The following SGCD variants were observed in gnomAD, a reference collection of about 807,000 sequenced individuals.
SGCD encodes the protein delta-sarcoglycan.
A neutral mutation model predicts 36.6 loss-of-function variants in SGCD; 18 were observed. That is an observed-to-expected ratio of 0.49 (90% CI 0.34 to 0.73). The LOEUF (loss-of-function observed/expected upper bound fraction) is 0.73, where lower values mean the gene tolerates loss of function less well. SGCD is among the 30% of genes least tolerant of loss of function. SGCD has a pLI of 0.01. For synonymous variants in SGCD, 133 were observed against 130.6 expected, an observed-to-expected ratio of 1.02 and a Z score of -0.12; for missense variants, 387 against 346.7, an observed-to-expected ratio of 1.12 and a Z score of -0.92.
chr5:156,091,882 G>A (rs1355270827), intron 1 of SGCD, among the ~76,000 whole-genome samples: 1 of 152,212 alleles, frequency 6.6e-6, no homozygotes, highest in African/African-American at 2.4e-5. Flanking sequence ...GGCTGCCACT[G>A]CCTAAAGGCA....
intron 1 of SGCD, among the ~76,000 whole-genome samples, chr5:155,902,866 C>A (rs1483710300): frequency 1.3e-5 from 2 of 152,188 alleles, no homozygotes; most frequent in Non-Finnish European, 1.5e-5. Context: ...TTATTTTGTT[C>A]TTCATAACCA....
At chr5:156,411,331 T>C (rs2127769797) in intron 3 of SGCD, among the ~76,000 whole-genome samples, 1 of 152,296 alleles carries the variant, frequency 6.6e-6, no homozygotes, top group African/African-American at 2.4e-5. Context: ...TTGTAAACTG[T>C]AGCAGCAGAA....
At chr5:155,886,283 T>C (rs1755997112) in intron 1 of SGCD, among the ~76,000 whole-genome samples, 1 of 152,188 alleles carries the variant, frequency 6.6e-6, no homozygotes, top group Non-Finnish European at 1.5e-5. Context: ...TGGAGCTCCC[T>C]GGCCATCTGC....
the SGCD span, among the ~76,000 whole-genome samples, chr5:155,824,011 A>G: frequency 6.6e-6 from 1 of 152,234 alleles, no homozygotes; most frequent in Non-Finnish European, 1.5e-5. Context: ...AAAAAGTCAG[A>G]TTAACAAGGC....
intron 3 of SGCD, among the ~76,000 whole-genome samples, chr5:156,305,012 C>T (rs969700368): frequency 1.3e-5 from 2 of 152,144 alleles, no homozygotes; most frequent in Non-Finnish European, 2.9e-5. Context: ...CTGTTAAATG[C>T]ATTCAGTTTT....
intron 1 of SGCD, among the ~76,000 whole-genome samples, chr5:156,074,815 A>G (rs1197739604): frequency 6.6e-6 from 1 of 152,240 alleles, no homozygotes; most frequent in East Asian, 1.9e-4. Flanking sequence ...TTGCAGGATA[A>G]ACAGGTGTGC....
At chr5:156,119,787 T>A (rs78614028) in intron 2 of SGCD, among the ~76,000 whole-genome samples, 3,980 of 152,212 alleles carry the variant, frequency 0.026, 167 homozygotes, top group African/African-American at 0.09. Flanking sequence ...AACCCGTGTC[T>A]GTGTGTGCTT....
intron 3 of SGCD, among the ~76,000 whole-genome samples, chr5:156,445,952 G>C (rs1487016271): frequency 6.6e-6 from 1 of 152,114 alleles, no homozygotes; most frequent in Non-Finnish European, 1.5e-5. Flanking sequence ...TACTGTGCTA[G>C]TTGCCAGGGA....
chr5:156,626,510 A>C (rs150498899), intron 6 of SGCD, among the ~76,000 whole-genome samples: 1 of 152,200 alleles, frequency 6.6e-6, no homozygotes, highest in Admixed American at 6.5e-5. Context: ...AGTGATGTGC[A>C]TAGAGGTTTG....
chr5:156,673,302 C>A (rs758468468), intron 7 of SGCD, among the ~76,000 whole-genome samples: 7 of 152,172 alleles, frequency 4.6e-5, no homozygotes, highest in Non-Finnish European at 4.4e-5. Flanking sequence ...TAATCCATTC[C>A]TCTTTCATTT....
At chr5:155,822,327 C>T in the SGCD span, among the ~76,000 whole-genome samples, 5 of 152,216 alleles carry the variant, frequency 3.3e-5, no homozygotes, top group South Asian at 2.1e-4. Context: ...CCAGCTGAAT[C>T]AGCTGCACGG....
intron 4 of SGCD, among the ~76,000 whole-genome samples, chr5:156,516,302 T>C (rs994830938): frequency 6.6e-6 from 1 of 152,194 alleles, no homozygotes; most frequent in African/African-American, 2.4e-5. Context: ...TCACTACCCT[T>C]CTGGGACAGA....
intron 3 of SGCD, among the ~76,000 whole-genome samples, chr5:156,197,549 A>G (rs1351036337): frequency 6.6e-6 from 1 of 151,658 alleles, no homozygotes; most frequent in East Asian, 1.9e-4. Context: ...CAGAGAAGTA[A>G]AAGTGATTAA....
chr5:156,657,812 G>A (rs1270128184), intron 7 of SGCD, among the ~76,000 whole-genome samples: 2 of 140,540 alleles, frequency 1.4e-5, no homozygotes, highest in Admixed American at 1.4e-4. Context: ...AAAGAAATAA[G>A]GGGACCCGGG....
At chr5:156,574,848 AAG>A (rs1175244918) in intron 4 of SGCD, among the ~76,000 whole-genome samples, 1 of 152,162 alleles carries the variant, frequency 6.6e-6, no homozygotes, top group Non-Finnish European at 1.5e-5. Context: ...CTTTTCCTGA[AAG>A]AGGGGTTTTG....
chr5:155,811,004 A>G, the SGCD span, among the ~76,000 whole-genome samples: 2 of 146,424 alleles, frequency 1.4e-5, no homozygotes, highest in Admixed American at 1.4e-4. Flanking sequence ...TTTTTAGTAG[A>G]GACGGGGTTT....
intron 7 of SGCD, among the ~76,000 whole-genome samples, chr5:156,713,994 C>CTCCAGCATGCTCTAGTTTCCTATTT (rs1561871610): frequency 2.0e-5 from 3 of 152,074 alleles, no homozygotes; most frequent in Non-Finnish European, 2.9e-5. Context: ...GTTTCCTATT[C>CTCCAGCATGCTCTAGTTTCCTATTT]ACTCCAGCAT....
intron 1 of SGCD, among the ~76,000 whole-genome samples, chr5:155,949,061 A>G (rs1018764128): frequency 2.0e-5 from 3 of 152,178 alleles, no homozygotes; most frequent in African/African-American, 7.2e-5. Context: ...TTCTCCATCA[A>G]AGAAACAAAA....
rs545493322 is a variant in SGCD at position 155,913,312 on chromosome 5, A to G, written c.-282+42888A>G. Among the ~76,000 whole-genome samples the G allele has an allele frequency of 1.4e-4, 22 of 152,312 alleles. 1 individual carries two copies. The South Asian group carries it at 4.6e-3, about 32-fold the overall frequency. ...ATTACCTTGTCTGCAAATGACTTGC[A>G]TGATTTCATCTGGAAGGGGGATTCC... is the stretch of plus-strand genomic sequence containing the variant. On this transcript the variant is annotated intron_variant, in intron 1 of 9. Coordinates refer to the SGCD transcript ENST00000517913.
Sources: allele counts gnomAD v4.1 joint callset (sites outside exome capture counted in the v4.1 genomes callset), GRCh38; gene constraint gnomAD v4.1.1; transcripts MANE v1.5; gene names NCBI Gene and HGNC (gene_info 2026-07-23, HGNC 2026-07-21).